The following PTPRD variants were observed in gnomAD, a reference collection of about 807,000 sequenced individuals.
PTPRD encodes protein tyrosine phosphatase receptor type D, also known as receptor-type tyrosine-protein phosphatase delta.
Under a neutral mutation model 214.5 loss-of-function variants are expected in PTPRD, and 34 were observed. The observed-to-expected ratio is 0.16, with a 90% confidence interval of 0.12 to 0.21. PTPRD has a LOEUF of 0.21. Ranked by LOEUF, PTPRD falls within the 10% of genes least tolerant of loss-of-function variation. The probability of loss-of-function intolerance (pLI) is 1.00; values close to 1 mark genes in which losing one functional copy is unlikely to be tolerated. For missense variants in PTPRD, 2,545 were observed against 2,398.7 expected (o/e 1.06, Z -1.27); for synonymous variants, 1,128 against 845.7 (o/e 1.33, Z -5.79).
chr9:9,382,938 A>T (rs939325170), intron 9 of PTPRD, among the ~76,000 whole-genome samples: 2 of 152,090 alleles, frequency 1.3e-5, no homozygotes, highest in African/African-American at 4.8e-5. Context: ...ATAAATGAAA[A>T]TGTTGTATAT....
chr9:10,604,835 A>C (rs1027780410), intron 2 of PTPRD, among the ~76,000 whole-genome samples: 1 of 151,940 alleles, frequency 6.6e-6, no homozygotes, highest in African/African-American at 2.4e-5. Context: ...TATTTTTTCT[A>C]TACTTGTGAT....
intron 8 of PTPRD, among the ~76,000 whole-genome samples, chr9:9,497,669 G>A (rs996687837): frequency 5.9e-5 from 9 of 152,056 alleles, no homozygotes; most frequent in Admixed American, 1.3e-4. Context: ...AGGAGAAATA[G>A]GAACATTATC....
Position 10,248,824 on chromosome 9 carries a change from A to T in PTPRD, c.-545+92139T>A, listed in dbSNP as rs2092485365. Reference sequence around the variant, plus strand: ...GTCATCCACTGGGAATAAAAAGATGACTAAAATATGACCCCTGTACATAAG... The same window carrying T: ...GTCATCCACTGGGAATAAAAAGATGTCTAAAATATGACCCCTGTACATAAG... On this transcript the variant is annotated intron_variant, in intron 3 of 45. Coordinates refer to ENST00000381196, the MANE Select transcript of PTPRD (RefSeq NM_002839.4). 2.0e-5 allele frequency among the ~76,000 whole-genome samples: 3 copies of T among 152,178 alleles called. No individual in the cohort carries two copies. The South Asian group carries it at 6.2e-4, about 32-fold the overall frequency.
chr9:10,186,842 G>C (rs2099333591), intron 3 of PTPRD, among the ~76,000 whole-genome samples: 1 of 152,026 alleles, frequency 6.6e-6, no homozygotes, highest in Non-Finnish European at 1.5e-5. Context: ...AAAACTCTAA[G>C]ATACTAGCAT....
intron 39 of PTPRD, among the ~76,000 whole-genome samples, chr9:8,342,540 G>T (rs1846695): frequency 0.91 from 137,925 of 152,088 alleles, 62,596 homozygotes; most frequent in African/African-American, 0.94. Flanking sequence ...TGATCATGCG[G>T]GTTTATCAGG....
intron 7 of PTPRD, among the ~76,000 whole-genome samples, chr9:9,681,740 T>C (rs1197922696): frequency 6.6e-6 from 1 of 151,802 alleles, no homozygotes; most frequent in Non-Finnish European, 1.5e-5. Flanking sequence ...AAATTGAATG[T>C]TGAGACTAGC....
intron 3 of PTPRD, among the ~76,000 whole-genome samples, chr9:10,093,566 T>C (rs1306291915): frequency 6.6e-6 from 1 of 151,446 alleles, no homozygotes; most frequent in Admixed American, 6.6e-5. Context: ...TAAAAGTACT[T>C]TTTGACCTAG....
At chr9:10,023,058 T>G (rs2096854426) in intron 4 of PTPRD, among the ~76,000 whole-genome samples, 1 of 152,194 alleles carries the variant, frequency 6.6e-6, no homozygotes, top group African/African-American at 2.4e-5. Flanking sequence ...ATATTTTACC[T>G]ATTTTTATAT....
chr9:9,100,655 A>G (rs930983293), intron 10 of PTPRD, among the ~76,000 whole-genome samples: 1 of 152,168 alleles, frequency 6.6e-6, no homozygotes, highest in Non-Finnish European at 1.5e-5. Flanking sequence ...GCATCTTTAT[A>G]GGTAAAAGTC....
In PTPRD at chr9:9,305,873, G is replaced by C. The variant is rs114394836; in HGVS notation, c.-203+91576C>G. Among the ~76,000 whole-genome samples, 796 of 152,238 alleles carry C rather than the reference G, an allele frequency of 5.2e-3. 6 individuals carry two copies. The highest frequency in any genetic ancestry group is 0.018 in the African/African-American group (766 of 41,552). On this transcript the variant is annotated intron_variant, in intron 9 of 45. Transcript: ENST00000381196. ...CAAGAAACTCCTGAGGCCACCAAGA[G>C]AGGCAGGAAGAATTTTTTTCCTAGC... is the stretch of plus-strand genomic sequence containing the variant.
At position 8,414,930 on chromosome 9, in the gene PTPRD, GGAGAGAGA is replaced by G. The variant is rs58529453; in HGVS notation, c.4087-10278_4087-10271del. Among the ~76,000 whole-genome samples, 475 of 49,234 alleles carry G rather than the reference GGAGAGAGA, an allele frequency of 9.6e-3. 1 individual carries two copies. Among genetic ancestry groups the G allele is most frequent in the African/African-American group, 0.021 (271 of 12,864 alleles). 32.3% of individuals were successfully genotyped at this position (49,234 alleles called of 152,430 possible). Reference sequence around the variant, plus strand: ...GAGGGAGGGGGAGAGAGAGGGAGGGGGAGAGAGAGAGAGAGAGAGAGAGAGAGAGAGAG... The same window carrying G: ...GAGGGAGGGGGAGAGAGAGGGAGGGGGAGAGAGAGAGAGAGAGAGAGAGAG... On this transcript the variant is annotated intron_variant, in intron 35 of 45. Transcript: ENST00000381196.
chr9:9,777,353 A>C (rs973569028), intron 5 of PTPRD, among the ~76,000 whole-genome samples: 79 of 146,390 alleles, frequency 5.4e-4, no homozygotes, highest in East Asian at 3.2e-3. Context: ...ACACACACAC[A>C]CCCCTAAATG....
At chr9:9,164,395 T>A (rs1184972587) in intron 10 of PTPRD, among the ~76,000 whole-genome samples, 2 of 152,180 alleles carry the variant, frequency 1.3e-5, no homozygotes, top group East Asian at 3.9e-4. Context: ...AGGATCTTGG[T>A]GATTACATTG....
At chr9:9,965,305 G>T (rs2094607829) in intron 4 of PTPRD, among the ~76,000 whole-genome samples, 1 of 152,168 alleles carries the variant, frequency 6.6e-6, no homozygotes, top group South Asian at 2.1e-4. Context: ...AACAGGCAAG[G>T]CTTCTAAGAA....
At chr9:8,788,694 C>T (rs1436991200) in intron 11 of PTPRD, among the ~76,000 whole-genome samples, 1 of 152,142 alleles carries the variant, frequency 6.6e-6, no homozygotes, top group Non-Finnish European at 1.5e-5. Flanking sequence ...TTCGAATCAG[C>T]CATAACTGTT....
intron 6 of PTPRD, among the ~76,000 whole-genome samples, chr9:9,762,255 A>G (rs948906186): frequency 3.3e-5 from 5 of 152,212 alleles, no homozygotes; most frequent in African/African-American, 1.2e-4. Context: ...GAAGTCCAAC[A>G]GTCTTTCTTC....
intron 3 of PTPRD, among the ~76,000 whole-genome samples, chr9:10,333,880 C>T (rs1397477137): frequency 1.3e-5 from 2 of 151,748 alleles, no homozygotes; most frequent in African/African-American, 4.8e-5. Flanking sequence ...AATATTTGAA[C>T]TAATAAATTA....
At chr9:9,014,199 G>T (rs12347553) in intron 11 of PTPRD, among the ~76,000 whole-genome samples, 78,199 of 127,286 alleles carry the variant, frequency 0.61, 21,467 homozygotes, top group East Asian at 0.8. Context: ...TTGTTTGTTT[G>T]TTTTTTTTTT....
chr9:8,590,101 A>C (rs1467044121), intron 14 of PTPRD, among the ~76,000 whole-genome samples: 1 of 152,158 alleles, frequency 6.6e-6, no homozygotes, highest in Non-Finnish European at 1.5e-5. Context: ...TATTATATCT[A>C]TACAATCTGT....
Sources: allele counts gnomAD v4.1 joint callset (sites outside exome capture counted in the v4.1 genomes callset), GRCh38; gene constraint gnomAD v4.1.1; transcripts MANE v1.5; gene names NCBI Gene and HGNC (gene_info 2026-07-23, HGNC 2026-07-21).